CRIM1: variants seen among roughly 807,000 people sequenced by gnomAD.
The protein encoded by CRIM1 is cysteine rich transmembrane BMP regulator 1, also known as cysteine-rich motor neuron 1 protein.
In CRIM1, 32 loss-of-function variants were observed where a neutral mutation model predicts 116.4. The ratio of observed to expected loss-of-function variants is 0.27; its 90% CI spans 0.21 to 0.37. The LOEUF is 0.37. Ranked by LOEUF, CRIM1 falls within the 10% of genes least tolerant of loss-of-function variation. CRIM1 has a pLI of 1.00. For missense variants in CRIM1, 1,331 were observed against 1,354.8 expected, an observed-to-expected ratio of 0.98 and a Z score of 0.28; for synonymous variants, 590 against 509.2, an observed-to-expected ratio of 1.16 and a Z score of -2.13.
rs1276691101 is a variant in CRIM1, at chr2:36,396,794, A to G, written c.505+7A>G. 1 of 1,602,692 alleles carries G rather than the reference A, an allele frequency of 6.2e-7. No individual in the cohort carries two copies. The highest frequency in any genetic ancestry group is 8.5e-7 in the Non-Finnish European group (1 of 1,171,004). On this transcript the variant is annotated splice_region_variant and intron_variant, in intron 2 of 16. Transcript: ENST00000280527. The stretch of plus-strand genomic sequence containing the variant: ...GCTTTAAAGAGAATTGAAGGTAAGC[A>G]TTAATTTTTGTTAACCATCCAGTCG...
chr2:36,389,470 A>G (rs1430398267), intron 1 of CRIM1, among the ~76,000 whole-genome samples: 1 of 152,184 alleles, frequency 6.6e-6, no homozygotes, highest in Non-Finnish European at 1.5e-5. Context: ...TTAATTTGAT[A>G]TATATTCCCA....
intron 7 of CRIM1, 126 bp from the exon 8 acceptor site, chr2:36,499,093 T>C (rs1680803825): frequency 5.6e-6 from 4 of 711,352 alleles, no homozygotes; most frequent in Admixed American, 2.7e-5. Context: ...GCATAAAAGT[T>C]TACGATTTGA....
chr2:36,411,585 C>CATGTATAT lies in CRIM1; in HGVS notation c.505+14799_505+14800insTGTATATA, dbSNP rs1276475566. On this transcript the variant is annotated intron_variant, in intron 2 of 16. Transcript: ENST00000280527. Reference sequence around the variant, plus strand: ...ATTTATATAGCTACATGTATATAAGCACATATACATCCATGATGATATCAT... The same window carrying CATGTATAT: ...ATTTATATAGCTACATGTATATAAGCATGTATATACATATACATCCATGATGATATCAT... 9.9e-5 allele frequency among the ~76,000 whole-genome samples: 15 copies of CATGTATAT among 152,140 alleles called. No individual in the cohort carries two copies. In the East Asian group the frequency reaches 2.7e-3, roughly 27 times the overall value.
chr2:36,427,218 A>G (rs1006556068), intron 2 of CRIM1, among the ~76,000 whole-genome samples: 6 of 151,774 alleles, frequency 4.0e-5, no homozygotes, highest in African/African-American at 1.5e-4. Context: ...AAAAAGAAAG[A>G]AAAGAAAAAG....
Position 36,464,560 on chromosome 2 carries a change from G to C in CRIM1, c.896G>C (p.Gly299Ala), listed in dbSNP as rs143796351. The C allele has an allele frequency of 1.4e-5, 22 of 1,614,000 alleles. No individual in the cohort carries two copies. Among genetic ancestry groups the C allele is most frequent in the African/African-American group, 4.0e-5 (3 of 74,890 alleles). ...TRCECLSGLCGFPVCEVGSTP... is the reference protein window; with the variant it reads ...TRCECLSGLCAFPVCEVGSTP... ...TGCGAGTGTCTCTCTGGCTTATGTG[G>C]TTTCCCCGTGTGTGAGGTGGGATCC... Residue 299 changes from glycine to alanine, a missense_variant, in exon 5 of 17, where the codon GGT becomes GCT. By Grantham distance (60) the Gly-to-Ala change is moderately conservative. Around this residue, in one of 3 missense-constraint regions of CRIM1, gnomAD observed 690 missense variants for 676.0 expected, o/e 1.02. Transcript: ENST00000280527.
chr2:36,416,977 C>T (rs1027195633), intron 2 of CRIM1, among the ~76,000 whole-genome samples: 2 of 152,106 alleles, frequency 1.3e-5, no homozygotes, highest in East Asian at 1.9e-4. Flanking sequence ...AGGTGTTGGA[C>T]GGGGAAGCAG....
chr2:36,520,342 C>T (rs1272750986), intron 12 of CRIM1, among the ~76,000 whole-genome samples: 4 of 152,184 alleles, frequency 2.6e-5, no homozygotes, highest in Admixed American at 6.5e-5. Context: ...GCTAAGTTAA[C>T]GTAAGTCACA....
intron 4 of CRIM1, among the ~76,000 whole-genome samples, chr2:36,460,970 C>T (rs774223415): frequency 1.3e-4 from 19 of 151,932 alleles, no homozygotes; most frequent in South Asian, 1.0e-3. Flanking sequence ...CAGCAAAGTG[C>T]GGACTTATTT....
chr2:36,372,478 T>A (rs1670007932), intron 1 of CRIM1, among the ~76,000 whole-genome samples: 1 of 152,226 alleles, frequency 6.6e-6, no homozygotes, highest in Non-Finnish European at 1.5e-5. Context: ...AACTTAAGGA[T>A]ACATAGCAAA....
chr2:36,357,147 C>T (rs1668894643), intron 1 of CRIM1, among the ~76,000 whole-genome samples: 1 of 152,222 alleles, frequency 6.6e-6, no homozygotes, highest in Non-Finnish European at 1.5e-5. Flanking sequence ...TCCTTGAGCT[C>T]TTCCTTCACC....
chr2:36,422,711 G>T (rs1674166197), intron 2 of CRIM1, among the ~76,000 whole-genome samples: 1 of 152,146 alleles, frequency 6.6e-6, no homozygotes, highest in Admixed American at 6.5e-5. Flanking sequence ...AAATTCCCCA[G>T]ATTTAATGAT....
intron 5 of CRIM1, among the ~76,000 whole-genome samples, chr2:36,470,434 C>G (rs1000615601): frequency 7.9e-5 from 12 of 152,130 alleles, no homozygotes; most frequent in African/African-American, 9.7e-5. Context: ...CAGTCAATGC[C>G]TGGCTTCAAA....
Position 36,447,027 on chromosome 2 carries a change from T to C in CRIM1, c.869+4292T>C, listed in dbSNP as rs565597869. ...ACCAAGATAGTCTTTAAGTGACATA[T>C]AGATAACAATAGCAGTCACACCTTA... On this transcript the variant is annotated intron_variant, in intron 4 of 16. Coordinates refer to ENST00000280527, the MANE Select transcript of CRIM1 (RefSeq NM_016441.3). Among the ~76,000 whole-genome samples the C allele has an allele frequency of 1.3e-3, 202 of 152,368 alleles. 1 individual carries two copies. The highest frequency in any genetic ancestry group is 4.5e-3 in the African/African-American group (189 of 41,592).
chr2:36,416,718 C>T (rs1284654340), intron 2 of CRIM1, among the ~76,000 whole-genome samples: 2 of 152,150 alleles, frequency 1.3e-5, no homozygotes, highest in African/African-American at 4.8e-5. Flanking sequence ...TTGCTGTGTG[C>T]AGTTGGAAGA....
chr2:36,442,836 C>T (rs1675964172), intron 4 of CRIM1, 101 bp downstream of exon 4: 1 of 1,342,278 alleles, frequency 7.5e-7, no homozygotes, highest in Non-Finnish European at 1.1e-6. Context: ...AAACCTAGTC[C>T]TTTCCTGTTT....
intron 5 of CRIM1, among the ~76,000 whole-genome samples, chr2:36,474,800 A>T (rs1050810934): frequency 7.2e-6 from 1 of 138,810 alleles, no homozygotes; most frequent in Non-Finnish European, 1.5e-5. Context: ...GTGAGCTCAG[A>T]TGACGCCACT....
intron 5 of CRIM1, among the ~76,000 whole-genome samples, chr2:36,472,352 C>T (rs555077978): frequency 6.6e-6 from 1 of 152,264 alleles, no homozygotes; most frequent in East Asian, 1.9e-4. Flanking sequence ...TTCTTAAGAG[C>T]CTCTATAAAT....
At chr2:36,511,036 ACCTCAGCCTCAG>A (rs913394547) in intron 9 of CRIM1, among the ~76,000 whole-genome samples, 41 of 143,878 alleles carry the variant, frequency 2.8e-4, no homozygotes, top group Middle Eastern at 4.0e-3. Flanking sequence ...CAGTCCTCCC[ACCTCAGCCTCAG>A]CCTCAGCCTC....
intron 2 of CRIM1, among the ~76,000 whole-genome samples, chr2:36,428,008 G>C (rs1674594876): frequency 6.6e-6 from 1 of 152,168 alleles, no homozygotes; most frequent in Non-Finnish European, 1.5e-5. Context: ...TTTTGTGTTG[G>C]TTTGGTTTGT....
Sources: allele counts gnomAD v4.1 joint callset (sites outside exome capture counted in the v4.1 genomes callset), GRCh38; gene constraint gnomAD v4.1.1; regional missense constraint gnomAD v4.1.1; transcripts MANE v1.5; gene names NCBI Gene and HGNC (gene_info 2026-07-23, HGNC 2026-07-21).